Variants in PTPRD observed in about 807,000 individuals in gnomAD.
The protein encoded by PTPRD is receptor-type tyrosine-protein phosphatase delta.
PTPRD carries 34 observed loss-of-function variants against 214.5 expected under a neutral mutation model. The observed-to-expected ratio is 0.16, with a 90% confidence interval of 0.12 to 0.21. The LOEUF is 0.21. PTPRD is among the 10% of genes least tolerant of loss of function. PTPRD has a pLI of 1.00. For missense variants in PTPRD, 2,545 were observed against 2,398.7 expected, an observed-to-expected ratio of 1.06 and a Z score of -1.27; for synonymous variants, 1,128 against 845.7, an observed-to-expected ratio of 1.33 and a Z score of -5.79.
chr9:10,170,004 T>C (rs967418043), intron 3 of PTPRD, among the ~76,000 whole-genome samples: 14 of 151,846 alleles, frequency 9.2e-5, no homozygotes, highest in Admixed American at 2.6e-4. Context: ...AATATGATAC[T>C]CTCTTATCAC....
intron 8 of PTPRD, among the ~76,000 whole-genome samples, chr9:9,505,198 G>A (rs1421796269): frequency 6.6e-6 from 1 of 151,476 alleles, no homozygotes; most frequent in Non-Finnish European, 1.5e-5. Context: ...TCTTCTTGGA[G>A]GACTTGGTCT....
At chr9:9,076,555 G>T (rs564229958) in intron 10 of PTPRD, among the ~76,000 whole-genome samples, 3 of 152,000 alleles carry the variant, frequency 2.0e-5, no homozygotes, top group African/African-American at 7.2e-5. Context: ...TATAATGTTC[G>T]TCTTTCTGTG....
chr9:10,182,078 A>G (rs1015259896), intron 3 of PTPRD, among the ~76,000 whole-genome samples: 5 of 147,370 alleles, frequency 3.4e-5, no homozygotes, highest in Admixed American at 6.8e-5. Context: ...ATACGGTGAA[A>G]CCTGTCTCTA....
rs144291857 is a variant in PTPRD at position 9,141,939 on chromosome 9, A to G, written c.-143+41365T>C. ...TTTGGCTTTCTCATGTCCCCTTTCTACCAGAGAGCAATAATAATGCCTGCA... is the reference window on the plus strand; with the variant it reads ...TTTGGCTTTCTCATGTCCCCTTTCTGCCAGAGAGCAATAATAATGCCTGCA... On this transcript the variant is annotated intron_variant, in intron 10 of 45. Transcript: ENST00000381196. Among the ~76,000 whole-genome samples, 244 of 152,266 alleles carry G rather than the reference A, an allele frequency of 1.6e-3. 2 individuals are homozygous for G. Among genetic ancestry groups the G allele is most frequent in the African/African-American group, 5.5e-3 (227 of 41,538 alleles).
chr9:8,570,378 A>G (rs1038672295), intron 14 of PTPRD, among the ~76,000 whole-genome samples: 6 of 152,188 alleles, frequency 3.9e-5, no homozygotes, highest in Admixed American at 3.3e-4. Context: ...TAGTTTAAGT[A>G]TTTCAAAAGC....
chr9:9,711,626 T>G (rs1214673879), intron 7 of PTPRD, among the ~76,000 whole-genome samples: 1 of 152,106 alleles, frequency 6.6e-6, no homozygotes, highest in Non-Finnish European at 1.5e-5. Context: ...CAACAAAGGG[T>G]AAACTTACTC....
intron 2 of PTPRD, among the ~76,000 whole-genome samples, chr9:10,556,894 C>G (rs2062734906): frequency 1.3e-5 from 2 of 151,988 alleles, no homozygotes; most frequent in Admixed American, 6.6e-5. Context: ...AAAATGCTAA[C>G]TTGGTTAGAA....
intron 11 of PTPRD, among the ~76,000 whole-genome samples, chr9:8,882,714 G>A (rs1018293192): frequency 2.6e-5 from 4 of 151,760 alleles, no homozygotes; most frequent in South Asian, 4.2e-4. Flanking sequence ...GTGAAACCCC[G>A]CCTCTACTAA....
intron 6 of PTPRD, among the ~76,000 whole-genome samples, chr9:9,764,131 G>C (rs1263073336): frequency 6.6e-6 from 1 of 152,062 alleles, no homozygotes; most frequent in Non-Finnish European, 1.5e-5. Flanking sequence ...TAATGTATCT[G>C]TTTCTTCTTT....
In PTPRD at chr9:8,322,809, A is replaced by G. The variant is rs186971375; in HGVS notation, c.5535-2843T>C. Among the ~76,000 whole-genome samples the G allele has an allele frequency of 5.3e-5, 8 of 152,328 alleles. 1 individual carries two copies. Among genetic ancestry groups the G allele is most frequent in the Non-Finnish European group, 1.0e-4 (7 of 68,036 alleles). On this transcript the variant is annotated intron_variant, in intron 44 of 45. Coordinates refer to ENST00000381196, the MANE Select transcript of PTPRD (RefSeq NM_002839.4). Reference sequence around the variant, plus strand: ...TGTCATCTAAGACTTTGATAGCTACAGAGGAGGAGTCAATGCCTGACTTCA... The same window carrying G: ...TGTCATCTAAGACTTTGATAGCTACGGAGGAGGAGTCAATGCCTGACTTCA...
At chr9:8,399,568 A>C (rs1175500797) in intron 36 of PTPRD, among the ~76,000 whole-genome samples, 1 of 152,154 alleles carries the variant, frequency 6.6e-6, no homozygotes, top group African/African-American at 2.4e-5. Flanking sequence ...AACAAACAAA[A>C]AAACACACCT....
chr9:8,841,712 T>TAA (rs5896263), intron 11 of PTPRD, among the ~76,000 whole-genome samples: 22,500 of 150,724 alleles, frequency 0.15, 1,809 homozygotes, highest in East Asian at 0.23. Flanking sequence ...AGAAGTGACT[T>TAA]AAAAAAAAAA....
At chr9:9,241,111 T>G (rs1165521650) in intron 9 of PTPRD, among the ~76,000 whole-genome samples, 2 of 152,168 alleles carry the variant, frequency 1.3e-5, no homozygotes, top group East Asian at 1.9e-4. Context: ...AAGAATTAAT[T>G]CGTGGGTCTA....
intron 11 of PTPRD, among the ~76,000 whole-genome samples, chr9:8,742,519 C>G (rs2092168940): frequency 1.3e-5 from 2 of 152,064 alleles, no homozygotes; most frequent in African/African-American, 4.8e-5. Context: ...ATTTACTTTT[C>G]AAATGTTATG....
At chr9:10,206,606 C>A (rs1377315118) in intron 3 of PTPRD, among the ~76,000 whole-genome samples, 1 of 152,030 alleles carries the variant, frequency 6.6e-6, no homozygotes, top group African/African-American at 2.4e-5. Flanking sequence ...TATTGGAAGC[C>A]ATGGAGAATT....
intron 5 of PTPRD, among the ~76,000 whole-genome samples, chr9:9,911,891 T>C (rs1343217315): frequency 1.3e-5 from 2 of 152,132 alleles, no homozygotes; most frequent in East Asian, 3.9e-4. Flanking sequence ...CCAGGTCATT[T>C]TTACTTAAAA....
intron 8 of PTPRD, among the ~76,000 whole-genome samples, chr9:9,531,451 G>C (rs554721471): frequency 6.6e-6 from 1 of 152,240 alleles, no homozygotes; most frequent in African/African-American, 2.4e-5. Context: ...GGCAGCTCAT[G>C]ATATGATTCA....
intron 14 of PTPRD, among the ~76,000 whole-genome samples, chr9:8,578,796 C>T (rs1427577184): frequency 1.3e-5 from 2 of 152,152 alleles, no homozygotes; most frequent in Non-Finnish European, 2.9e-5. Context: ...ACAGAATTTC[C>T]ATGTAATTCT....
intron 4 of PTPRD, among the ~76,000 whole-genome samples, chr9:10,029,872 G>C (rs780786149): frequency 3.9e-5 from 6 of 152,104 alleles, no homozygotes; most frequent in Non-Finnish European, 8.8e-5. Flanking sequence ...GATGTGGTTT[G>C]GCTGTGTCCC....
Sources: gnomAD v4.1 joint callset for allele counts (sites outside exome capture counted in the v4.1 genomes callset) on GRCh38, gnomAD v4.1.1 for gene constraint, MANE v1.5 for transcripts, NCBI Gene and HGNC (gene_info 2026-07-23, HGNC 2026-07-21) for gene names.